MYH7B: variants seen among roughly 807,000 people sequenced by gnomAD.
The protein encoded by MYH7B is myosin-7B.
A neutral mutation model predicts 234.5 loss-of-function variants in MYH7B; 205 were observed. That is an observed-to-expected ratio of 0.87 (90% CI 0.78 to 0.98). The LOEUF (loss-of-function observed/expected upper bound fraction) is 0.98, where lower values mean the gene tolerates loss of function less well. MYH7B is among the 50% of genes least tolerant of loss of function. The probability of loss-of-function intolerance (pLI) is 0.00; values close to 1 mark genes in which losing one functional copy is unlikely to be tolerated. For missense variants in MYH7B, 2,652 were observed against 2,633.4 expected, an observed-to-expected ratio of 1.01 and a Z score of -0.15; for synonymous variants, 1,193 against 1,105.0, an observed-to-expected ratio of 1.08 and a Z score of -1.58.
chr20:34,957,484 C>CTTTTTT (rs71196770), intron 1 of MYH7B, among the ~76,000 whole-genome samples: 7 of 104,326 alleles, frequency 6.7e-5, no homozygotes, highest in African/African-American at 1.1e-4. Flanking sequence ...CCTTTTGACT[C>CTTTTTT]TTTTTTTTTT....
At chr20:34,979,970 T>G in intron 7 of MYH7B, 166 bp downstream of exon 7, 19 of 352,858 alleles carry the variant, frequency 5.4e-5, no homozygotes, top group South Asian at 8.5e-5. Context: ...CTGTGAGCGA[T>G]GAGGCGGGGC....
chr20:34,962,707 A>G (rs115645568), intron 2 of MYH7B, among the ~76,000 whole-genome samples: 40 of 152,304 alleles, frequency 2.6e-4, no homozygotes, highest in African/African-American at 8.2e-4. Flanking sequence ...AGCTCACTGC[A>G]GCCTTGAACT....
chr20:34,997,682 A>G, intron 32 of MYH7B, 42 bp downstream of exon 32: 1 of 1,605,314 alleles, frequency 6.2e-7, no homozygotes, highest in Non-Finnish European at 8.5e-7. Context: ...CTGACTTTAA[A>G]CCAATCCCGA....
intron 3 of MYH7B, among the ~76,000 whole-genome samples, chr20:34,976,554 G>A (rs575425322): frequency 5.3e-5 from 8 of 152,228 alleles, no homozygotes; most frequent in Non-Finnish European, 7.3e-5. Context: ...GACTGCCAGC[G>A]CCCTGAACCT....
chr20:34,977,055 C>CT (rs1193450983), intron 3 of MYH7B, among the ~76,000 whole-genome samples: 4 of 1,950 alleles, frequency 2.1e-3, no homozygotes, highest in Non-Finnish European at 5.8e-3. Context: ...CCCCCTACCC[C>CT]TCCCCCCTCT....
chr20:34,988,009 TGGG>T lies in MYH7B; in HGVS notation c.1417-80_1417-78del, dbSNP rs60220326. On this transcript the variant is annotated intron_variant, in intron 18 of 44. Transcript: ENST00000262873. ...AAGCCCTGGCCTTCTGCCTGGAAGT[TGGG>T]GGTGAACTCATGCCCCTCCCCGGGC... The T allele has an allele frequency of 1.3e-3, 2,066 of 1,566,724 alleles. 30 individuals carry two copies. The African/African-American group carries it at 0.025, about 19-fold the overall frequency.
chr20:34,975,262 T>C (rs2081837252), intron 2 of MYH7B, 138 bp from the exon 3 acceptor site: 2 of 441,476 alleles, frequency 4.5e-6, no homozygotes, highest in African/African-American at 4.0e-5. Context: ...TGGAGTGCAA[T>C]GGTGTGATCT....
intron 2 of MYH7B, among the ~76,000 whole-genome samples, chr20:34,967,297 A>C (rs57945863): frequency 0.046 from 7,021 of 152,068 alleles, 549 homozygotes; most frequent in African/African-American, 0.16. Flanking sequence ...TACTAATAAA[A>C]TTTTCAGCCC....
At chr20:34,994,971 C>T (rs1444752813) in intron 27 of MYH7B, among the ~76,000 whole-genome samples, 1 of 152,216 alleles carries the variant, frequency 6.6e-6, no homozygotes, top group African/African-American at 2.4e-5. Flanking sequence ...ATACCTGAGC[C>T]CTTCCAGGGA....
exon 13 of MYH7B, chr20:34,985,090 G>T (rs1169130245): frequency 6.2e-7 from 1 of 1,614,000 alleles, no homozygotes; most frequent in African/African-American, 1.3e-5. Context: ...CATTCACTTT[G>T]GTCCCTCTGG....
chr20:34,972,323 G>A (rs1351450962), intron 2 of MYH7B, among the ~76,000 whole-genome samples: 6 of 151,908 alleles, frequency 3.9e-5, no homozygotes, highest in Admixed American at 3.3e-4. Context: ...CATGGCTATT[G>A]TATTTGCTGT....
chr20:34,958,751 A>G (rs556738548), intron 2 of MYH7B, among the ~76,000 whole-genome samples: 1 of 152,306 alleles, frequency 6.6e-6, no homozygotes, highest in Non-Finnish European at 1.5e-5. Flanking sequence ...GGCGTGAGCC[A>G]CCGTGCCCGG....
At chr20:34,975,847 C>T (rs772043082) in intron 3 of MYH7B, among the ~76,000 whole-genome samples, 1 of 152,160 alleles carries the variant, frequency 6.6e-6, no homozygotes, top group Non-Finnish European at 1.5e-5. Context: ...TCCAGAGTAG[C>T]TGGGACTACA....
At chr20:34,966,218 ACTGATAG>A (rs1284718598) in intron 2 of MYH7B, among the ~76,000 whole-genome samples, 1 of 152,212 alleles carries the variant, frequency 6.6e-6, no homozygotes, top group Non-Finnish European at 1.5e-5. Flanking sequence ...GGCACCACAT[ACTGATAG>A]CTGTCCAGAT....
exon 16 of MYH7B, chr20:34,987,215 C>G (rs188161120): frequency 6.2e-7 from 1 of 1,612,542 alleles, no homozygotes; most frequent in Non-Finnish European, 8.5e-7. Context: ...CGTGGGCGCC[C>G]TCCTGCACTT....
At chr20:34,985,176 C>T (rs3746448) in intron 13 of MYH7B, 47 bp downstream of exon 13, 261,725 of 1,579,066 alleles carry the variant, frequency 0.17, 22,946 homozygotes, top group Middle Eastern at 0.23. Context: ...GGCCTGAGCC[C>T]GGTCACCCCA....
At chr20:34,999,945 A>C in intron 38 of MYH7B, 39 bp downstream of exon 38, 1 of 1,562,676 alleles carries the variant, frequency 6.4e-7, no homozygotes, top group South Asian at 1.1e-5. Flanking sequence ...TCCCGAGAGC[A>C]GAAGGGGAGG....
chr20:34,963,695 G>A (rs1199633771), intron 2 of MYH7B, among the ~76,000 whole-genome samples: 2 of 152,096 alleles, frequency 1.3e-5, no homozygotes, highest in African/African-American at 2.4e-5. Context: ...TTTTCTAAGA[G>A]TTTTATAGTT....
chr20:34,956,474 C>A (rs34174778), intron 1 of MYH7B, among the ~76,000 whole-genome samples: 3 of 152,074 alleles, frequency 2.0e-5, no homozygotes, highest in Admixed American at 1.3e-4. Context: ...GGTGCCTTCC[C>A]TGTTTCTTCC....
Sources: allele counts gnomAD v4.1 joint callset (sites outside exome capture counted in the v4.1 genomes callset), GRCh38; gene constraint gnomAD v4.1.1; transcripts MANE v1.5; gene names NCBI Gene and HGNC (gene_info 2026-07-23, HGNC 2026-07-21).